Variants in AKAP13 observed in about 807,000 individuals in gnomAD.
AKAP13 encodes A-kinase anchoring protein 13, also known as A-kinase anchor protein 13.
In AKAP13, 80 loss-of-function variants were observed where a neutral mutation model predicts 264.5. The observed-to-expected ratio is 0.30, with a 90% CI of 0.25 to 0.36. The LOEUF (loss-of-function observed/expected upper bound fraction) is 0.36. AKAP13 is among the 10% of genes least tolerant of loss of function. The pLI is 1.00. For missense variants in AKAP13, 3,712 were observed against 3,435.2 expected, an observed-to-expected ratio of 1.08 and a Z score of -2.01; for synonymous variants, 1,380 against 1,250.2, an observed-to-expected ratio of 1.10 and a Z score of -2.19.
intron 13 of AKAP13, among the ~76,000 whole-genome samples, chr15:85,665,354 A>C (rs2083533757): frequency 6.6e-6 from 1 of 152,230 alleles, no homozygotes. Context: ...TCTCAATAGT[A>C]AACTGAATCT....
At chr15:85,415,279 G>T in intron 1 of AKAP13, 3 of 1,585,690 alleles carry the variant, frequency 1.9e-6, no homozygotes, top group South Asian at 2.2e-5. Context: ...GACAGCAGAG[G>T]CTTTGATGAA....
intron 1 of AKAP13, among the ~76,000 whole-genome samples, chr15:85,401,612 C>G (rs1268177514): frequency 6.6e-6 from 1 of 152,182 alleles, no homozygotes. Context: ...TCTCAGTATT[C>G]TCTTAAACTG....
At chr15:85,622,323 A>C (rs1292206353) in intron 8 of AKAP13, among the ~76,000 whole-genome samples, 2 of 152,180 alleles carry the variant, frequency 1.3e-5, no homozygotes, top group Non-Finnish European at 2.9e-5. Context: ...TCTCCAGAGG[A>C]TGGAAAGACA....
chr15:85,474,144 T>TG (rs1011139318), intron 1 of AKAP13, among the ~76,000 whole-genome samples: 2 of 152,222 alleles, frequency 1.3e-5, no homozygotes, highest in African/African-American at 2.4e-5. Context: ...AACATGTGGC[T>TG]GACTCTCCAT....
chr15:85,395,850 G>A (rs1346215174), intron 1 of AKAP13, among the ~76,000 whole-genome samples: 1 of 152,028 alleles, frequency 6.6e-6, no homozygotes, highest in African/African-American at 2.4e-5. Context: ...AATAGATGGG[G>A]TAATGTAATA....
At chr15:85,651,682 C>T (rs2151508535) in intron 10 of AKAP13, 1 of 152,290 alleles carries the variant, frequency 6.6e-6, no homozygotes, top group East Asian at 1.9e-4. Context: ...CAGCCTGCAG[C>T]AGGGTACAGA....
intron 12 of AKAP13, chr15:85,662,469 G>T (rs2083400180): frequency 6.2e-7 from 1 of 1,613,896 alleles, no homozygotes; most frequent in Non-Finnish European, 8.5e-7. Flanking sequence ...ATATTGTTAT[G>T]TGTCCCGCCA....
intron 1 of AKAP13, among the ~76,000 whole-genome samples, chr15:85,403,884 C>T (rs6497088): frequency 0.54 from 81,581 of 150,780 alleles, 22,942 homozygotes; most frequent in African/African-American, 0.66. Flanking sequence ...GAAATGCTCT[C>T]TCTCTTTCCT....
chr15:85,489,141 A>T (rs1256748307), intron 2 of AKAP13, among the ~76,000 whole-genome samples: 1 of 152,248 alleles, frequency 6.6e-6, no homozygotes, highest in Non-Finnish European at 1.5e-5. Context: ...AAGATGGCAC[A>T]GCTAATTGGT....
intron 10 of AKAP13, among the ~76,000 whole-genome samples, chr15:85,650,987 A>G (rs2082811506): frequency 6.6e-6 from 1 of 152,030 alleles, no homozygotes; most frequent in Non-Finnish European, 1.5e-5. Context: ...CTTGTGTATC[A>G]TTACAAATAA....
chr15:85,425,027 C>T (rs540600747), intron 1 of AKAP13, among the ~76,000 whole-genome samples: 6 of 152,092 alleles, frequency 3.9e-5, no homozygotes, highest in Non-Finnish European at 8.8e-5. Context: ...CATAAAAGAT[C>T]AATGATCACA....
intron 1 of AKAP13, among the ~76,000 whole-genome samples, chr15:85,430,316 C>T (rs1479353729): frequency 6.6e-6 from 1 of 152,198 alleles, no homozygotes; most frequent in East Asian, 1.9e-4. Flanking sequence ...CTCCTACTTT[C>T]AAGTTATTTT....
chr15:85,580,097 G>A lies in AKAP13; in HGVS notation c.2029G>A (p.Asp677Asn), dbSNP rs751555342. Reference sequence around the variant, plus strand: ...ACAGAACACAGTGACTTCTAGTGGCGATTTGGTTGCAAAACTGTGTGATAA... The same window carrying A: ...ACAGAACACAGTGACTTCTAGTGGCAATTTGGTTGCAAAACTGTGTGATAA... ...CQQNTVTSSGDLVAKLCDNIV... is the reference protein window; with the variant it reads ...CQQNTVTSSGNLVAKLCDNIV... Residue 677 changes from aspartate (D) to asparagine (N), a missense_variant, in exon 7 of 37, where the codon GAT (aspartate) becomes AAT (asparagine). Asp to Asn is a conservative substitution (Grantham distance 23, BLOSUM62 1). Coordinates refer to ENST00000394518, the MANE Select transcript of AKAP13 (RefSeq NM_007200.5). The A allele has an allele frequency of 4.3e-6, 7 of 1,614,040 alleles. No individual in the cohort carries two copies. The highest frequency in any genetic ancestry group is 1.3e-5 in the African/African-American group (1 of 74,910).
chr15:85,666,453 T>A (rs1322576511), intron 13 of AKAP13, among the ~76,000 whole-genome samples: 1 of 68 alleles, frequency 0.015, no homozygotes, highest in Non-Finnish European at 0.029. Flanking sequence ...TTGCAAAAAT[T>A]TTCTGCCTTC....
chr15:85,579,215 G>T lies in AKAP13; in HGVS notation c.1147G>T (p.Val383Leu). 1 of 1,614,234 alleles carries T rather than the reference G, an allele frequency of 6.2e-7. No homozygotes were observed. The highest frequency in any genetic ancestry group is 2.2e-5 in the East Asian group (1 of 44,890). The change falls in exon 7 of 37, where the codon GTG becomes TTG. Residue 383 changes from valine to leucine, a missense_variant. This residue lies in a region of AKAP13 where 2,759 missense variants were observed against 2,411.7 expected (regional missense o/e 1.14). Transcript: ENST00000394518. ...AGGCGTGGAAAGAAAAGGGGAAGAG[G>T]TGGAGCCAGCACCTATTGTGGACTC... Reference protein sequence around the residue: ...NKGVERKGEEVEPAPIVDSGT... With the variant: ...NKGVERKGEELEPAPIVDSGT...
At chr15:85,432,352 C>A (rs2073062368) in intron 1 of AKAP13, among the ~76,000 whole-genome samples, 1 of 151,626 alleles carries the variant, frequency 6.6e-6, no homozygotes, top group Non-Finnish European at 1.5e-5. Flanking sequence ...TCTGTTCATG[C>A]CTCTCTGCAA....
intron 9 of AKAP13, 57 bp from the exon 10 acceptor site, chr15:85,645,761 T>G: frequency 2.7e-6 from 4 of 1,486,158 alleles, no homozygotes; most frequent in East Asian, 4.7e-5. Flanking sequence ...TTCTTTTTGT[T>G]TTTTGGTTTT....
At chr15:85,675,716 T>A (rs551071769) in intron 14 of AKAP13, among the ~76,000 whole-genome samples, 2 of 152,266 alleles carry the variant, frequency 1.3e-5, no homozygotes, top group South Asian at 4.1e-4. Flanking sequence ...TAAGGAAAAG[T>A]AATATTAAAG....
intron 13 of AKAP13, among the ~76,000 whole-genome samples, chr15:85,667,341 T>G (rs1054004188): frequency 1.3e-5 from 2 of 152,192 alleles, no homozygotes; most frequent in Non-Finnish European, 2.9e-5. Flanking sequence ...TTTAAAAATT[T>G]TTCTACTTGT....
Sources: allele counts gnomAD v4.1 joint callset (sites outside exome capture counted in the v4.1 genomes callset), GRCh38; gene constraint gnomAD v4.1.1; regional missense constraint gnomAD v4.1.1; transcripts MANE v1.5; gene names NCBI Gene and HGNC (gene_info 2026-07-23, HGNC 2026-07-21).